Variants in RIMS2 observed in about 807,000 individuals in gnomAD.
The protein encoded by RIMS2 is regulating synaptic membrane exocytosis protein 2.
RIMS2 carries 59 observed loss-of-function variants against 174.4 expected under a neutral mutation model. The ratio of observed to expected loss-of-function variants is 0.34; its 90% confidence interval spans 0.27 to 0.42. The LOEUF (loss-of-function observed/expected upper bound fraction) is 0.42. Among genes scored for constraint, RIMS2 ranks in the 10% least tolerant of loss-of-function variants. The pLI is 1.00. For missense variants in RIMS2, 1,620 were observed against 1,666.3 expected, an observed-to-expected ratio of 0.97 and a Z score of 0.48; for synonymous variants, 606 against 572.5, an observed-to-expected ratio of 1.06 and a Z score of -0.84.
At chr8:103,600,972 C>A (rs923595172) in intron 1 of RIMS2, among the ~76,000 whole-genome samples, 1 of 152,096 alleles carries the variant, frequency 6.6e-6, no homozygotes, top group African/African-American at 2.4e-5. Flanking sequence ...ATGTTGAGCA[C>A]CTTTTTATAA....
At chr8:104,066,441 T>C (rs1356586393) in intron 19 of RIMS2, among the ~76,000 whole-genome samples, 1 of 152,208 alleles carries the variant, frequency 6.6e-6, no homozygotes, top group Non-Finnish European at 1.5e-5. Flanking sequence ...ATTTATATTA[T>C]ATCAAGATGG....
chr8:104,219,911 T>C (rs2099147713), intron 19 of RIMS2, among the ~76,000 whole-genome samples: 1 of 152,198 alleles, frequency 6.6e-6, no homozygotes, highest in South Asian at 2.1e-4. Flanking sequence ...TGTAAATTTT[T>C]AAATTCCTTA....
chr8:103,619,144 G>C (rs1352803135), intron 1 of RIMS2, among the ~76,000 whole-genome samples: 1 of 138,760 alleles, frequency 7.2e-6, no homozygotes, highest in South Asian at 2.4e-4. Context: ...CTTGAAAAGA[G>C]AAAAAGCTCT....
chr8:103,844,202 G>A (rs1009468412), intron 3 of RIMS2, among the ~76,000 whole-genome samples: 8 of 152,074 alleles, frequency 5.3e-5, no homozygotes, highest in Admixed American at 3.3e-4. Context: ...TATCAGCAGC[G>A]TGAAAATGGA....
intron 8 of RIMS2, 120 bp downstream of exon 11, chr8:103,916,657 T>G (rs2076681023): frequency 1.3e-6 from 1 of 767,660 alleles, no homozygotes; most frequent in Non-Finnish European, 2.0e-6. Context: ...AGACAATAAC[T>G]TTTTCTCTTT....
chr8:104,227,373 G>C (rs1321791575), intron 19 of RIMS2, among the ~76,000 whole-genome samples: 1 of 151,440 alleles, frequency 6.6e-6, no homozygotes, highest in Admixed American at 6.6e-5. Context: ...TGAACCCTTT[G>C]AGATAAGAAT....
chr8:103,619,070 A>G (rs950118423), intron 1 of RIMS2, among the ~76,000 whole-genome samples: 1 of 149,172 alleles, frequency 6.7e-6, no homozygotes, highest in African/African-American at 2.5e-5. Flanking sequence ...CTATTACATG[A>G]GTCAATAACT....
chr8:103,872,650 T>C (rs1307242591), intron 3 of RIMS2, among the ~76,000 whole-genome samples: 1 of 152,212 alleles, frequency 6.6e-6, no homozygotes, highest in African/African-American at 2.4e-5. Flanking sequence ...AAGAGGGCTA[T>C]TGTGTTATAG....
At chr8:103,994,473 AACTT>A (rs1233784505) in intron 17 of RIMS2, among the ~76,000 whole-genome samples, 3 of 152,144 alleles carry the variant, frequency 2.0e-5, no homozygotes, top group African/African-American at 7.2e-5. Flanking sequence ...GTTTTAATAT[AACTT>A]ACTTTATTTG....
At chr8:103,832,891 A>AT (rs2098834778) in intron 3 of RIMS2, among the ~76,000 whole-genome samples, 1 of 152,192 alleles carries the variant, frequency 6.6e-6, no homozygotes, top group Admixed American at 6.5e-5. Context: ...AGTCTTATGT[A>AT]TTTTAAACAA....
rs1592239906 is a variant in RIMS2, at chr8:103,783,267, C to G, written c.698+16730C>G. ...AGCATAGCAGTTTGTTTTTTCTTTTCTTTTTTTTTTTTTTTATTATACTTT... is the reference window on the plus strand; with the variant it reads ...AGCATAGCAGTTTGTTTTTTCTTTTGTTTTTTTTTTTTTTTATTATACTTT... On this transcript the variant is annotated intron_variant, in intron 3 of 23. Transcript: ENST00000504942. 5.0e-5 allele frequency among the ~76,000 whole-genome samples: 7 copies of G among 140,994 alleles called. No individual in the cohort carries two copies. The South Asian group carries it at 1.6e-3, about 32-fold the overall frequency. 92.5% of individuals were successfully genotyped at this position (140,994 alleles called of 152,430 possible). A position where few individuals can be genotyped will look rare whatever the true frequency, so the allele number is the denominator to read the frequency against.
chr8:103,627,259 G>A (rs1157297602), intron 1 of RIMS2, among the ~76,000 whole-genome samples: 1 of 152,222 alleles, frequency 6.6e-6, no homozygotes, highest in East Asian at 1.9e-4. Context: ...GAAAAATATG[G>A]CTTTATTCTG....
At chr8:103,551,415 ACT>A (rs563611658) in intron 1 of RIMS2, among the ~76,000 whole-genome samples, 157 of 152,198 alleles carry the variant, frequency 1.0e-3, no homozygotes, top group African/African-American at 3.6e-3. Context: ...CATTCTAAAA[ACT>A]CTCAATAAAC....
intron 1 of RIMS2, among the ~76,000 whole-genome samples, chr8:103,667,349 C>T (rs1466836637): frequency 2.0e-5 from 3 of 152,128 alleles, no homozygotes; most frequent in African/African-American, 7.2e-5. Flanking sequence ...GTAGAATCTG[C>T]TGTAGAACCT....
At chr8:103,920,631 G>A in intron 9 of RIMS2, 1 of 456,846 alleles carries the variant, frequency 2.2e-6, no homozygotes, top group South Asian at 1.5e-5. Flanking sequence ...CCCATTGGAT[G>A]TCCCAGAGGT....
intron 1 of RIMS2, among the ~76,000 whole-genome samples, chr8:103,669,990 T>TAGTAGAGGTTCTTATGAGGGCCCTGCCCC (rs2096724953): frequency 6.6e-6 from 1 of 152,204 alleles, no homozygotes; most frequent in African/African-American, 2.4e-5. Context: ...TGCACTGCCA[T>TAGTAGAGGTTCTTATGAGGGCCCTGCCCC]AGTAGAGGTT....
Position 103,633,143 on chromosome 8 carries a change from C to T in RIMS2, c.177-63943C>T, listed in dbSNP as rs187306796. Among the ~76,000 whole-genome samples the T allele has an allele frequency of 6.0e-3, 915 of 151,700 alleles. 11 individuals carry two copies. Among genetic ancestry groups the T allele is most frequent in the African/African-American group, 0.021 (866 of 41,312 alleles). On this transcript the variant is annotated intron_variant, in intron 1 of 23. Transcript: ENST00000504942. ...CTGAGTTCAGGCAATTCTCCTGCCT[C>T]AGCCTCCTGAGTAGCCGGGACTACA...
intron 12 of RIMS2, among the ~76,000 whole-genome samples, chr8:103,936,325 T>G (rs2081245198): frequency 6.6e-6 from 1 of 152,152 alleles, no homozygotes; most frequent in Admixed American, 6.5e-5. Flanking sequence ...TGGAAAAAAT[T>G]TAACATTTAT....
At chr8:104,142,832 C>A (rs948264630) in intron 19 of RIMS2, among the ~76,000 whole-genome samples, 2 of 152,080 alleles carry the variant, frequency 1.3e-5, no homozygotes, top group African/African-American at 2.4e-5. Flanking sequence ...ACGCGTGCAC[C>A]CTCTAATACA....
Sources: gnomAD v4.1 joint callset for allele counts (sites outside exome capture counted in the v4.1 genomes callset) on GRCh38, gnomAD v4.1.1 for gene constraint, MANE v1.5 for transcripts, NCBI Gene and HGNC (gene_info 2026-07-23, HGNC 2026-07-21) for gene names.